The following GALNTL6 variants were observed in gnomAD, a reference collection of about 807,000 sequenced individuals.
The protein encoded by GALNTL6 is polypeptide N-acetylgalactosaminyltransferase like 6.
A neutral mutation model predicts 73.7 loss-of-function variants in GALNTL6; 46 were observed. The ratio of observed to expected loss-of-function variants is 0.62; its 90% CI spans 0.49 to 0.80. The LOEUF is 0.80. GALNTL6 is among the 30% of genes least tolerant of loss of function. GALNTL6 has a pLI of 0.00. For synonymous variants in GALNTL6, 259 were observed against 263.7 expected (o/e 0.98, Z 0.17); for missense variants, 604 against 755.0 (o/e 0.80, Z 2.34).
At chr4:172,888,336 T>A (rs1745840897) in intron 8 of GALNTL6, among the ~76,000 whole-genome samples, 1 of 152,234 alleles carries the variant, frequency 6.6e-6, no homozygotes, top group African/African-American at 2.4e-5. Flanking sequence ...CATTTAAGTC[T>A]TTAATCTATC....
intron 2 of GALNTL6, among the ~76,000 whole-genome samples, chr4:171,831,721 A>T (rs1024720404): frequency 1.3e-5 from 2 of 151,822 alleles, no homozygotes; most frequent in African/African-American, 4.8e-5. Context: ...GCTCAAAGGC[A>T]TTCATTAATA....
rs140430748 is a variant in GALNTL6 at position 173,010,118 on chromosome 4, C to A, written c.1488+824C>A. On this transcript the variant is annotated intron_variant, in intron 11 of 12. Transcript: ENST00000506823. Reference sequence around the variant, plus strand: ...TTTTTCATTCTTTCTATTTTTTGTACCCATTTAGCATCCCCACCTCCCACT... The same window carrying A: ...TTTTTCATTCTTTCTATTTTTTGTAACCATTTAGCATCCCCACCTCCCACT... 5.9e-3 allele frequency among the ~76,000 whole-genome samples: 892 copies of A among 152,110 alleles called. 13 individuals are homozygous for A. Among genetic ancestry groups the A allele is most frequent in the African/African-American group, 0.02 (827 of 41,476 alleles).
chr4:172,955,945 C>G (rs1438921892), intron 10 of GALNTL6, among the ~76,000 whole-genome samples: 1 of 152,038 alleles, frequency 6.6e-6, no homozygotes, highest in Non-Finnish European at 1.5e-5. Flanking sequence ...CAGGAACAGG[C>G]CATTTTCACT....
intron 5 of GALNTL6, among the ~76,000 whole-genome samples, chr4:172,481,091 G>C (rs1733446052): frequency 6.6e-6 from 1 of 152,166 alleles, no homozygotes; most frequent in Admixed American, 6.6e-5. Flanking sequence ...GGTGTGTCCG[G>C]AGTTTGTTAC....
intron 8 of GALNTL6, among the ~76,000 whole-genome samples, chr4:172,901,672 G>A (rs936409024): frequency 3.3e-4 from 50 of 152,148 alleles, no homozygotes; most frequent in Admixed American, 1.4e-3. Context: ...ATGGCCGAAC[G>A]AAAAAAATTC....
intron 5 of GALNTL6, among the ~76,000 whole-genome samples, chr4:172,585,606 G>T (rs1291769908): frequency 1.3e-5 from 2 of 152,080 alleles, no homozygotes; most frequent in Non-Finnish European, 2.9e-5. Flanking sequence ...TTATGGCTGG[G>T]TAGTATTCCA....
At position 172,945,312 on chromosome 4, in the gene GALNTL6, A is replaced by G. The variant is rs144831024; in HGVS notation, c.1150-6725A>G. On this transcript the variant is annotated intron_variant, in intron 9 of 12. Transcript: ENST00000506823. ...CGGGAAAGGGATTTCAAAGAGGCAT[A>G]AAGAAACCTTTGCAGGTGATGGACA... 2.4e-4 allele frequency among the ~76,000 whole-genome samples: 37 copies of G among 152,338 alleles called. No individual in the cohort carries two copies. The East Asian group carries it at 4.6e-3, about 19-fold the overall frequency.
chr4:172,941,249 A>T (rs1405331178), intron 9 of GALNTL6, among the ~76,000 whole-genome samples: 3 of 152,236 alleles, frequency 2.0e-5, no homozygotes, highest in Non-Finnish European at 4.4e-5. Flanking sequence ...TTGAGCTATC[A>T]CATGAGGACC....
At chr4:172,556,069 T>G (rs1736129909) in intron 5 of GALNTL6, among the ~76,000 whole-genome samples, 1 of 152,114 alleles carries the variant, frequency 6.6e-6, no homozygotes, top group Non-Finnish European at 1.5e-5. Flanking sequence ...TAGGTTCCAT[T>G]CCATGATTTT....
rs189005673 is a variant in GALNTL6 at position 172,197,832 on chromosome 4, G to A, written c.139-31824G>A. On this transcript the variant is annotated intron_variant, in intron 2 of 12. Transcript: ENST00000506823. ...CAAATATAAAACCCAAAACTAGGCC[G>A]GACGCGGTGGCTCACACCTGTAATC... Among the ~76,000 whole-genome samples the A allele has an allele frequency of 4.0e-3, 603 of 152,056 alleles. 6 individuals are homozygous for A. The highest frequency in any genetic ancestry group is 0.013 in the African/African-American group (541 of 41,500).
At chr4:172,883,830 A>C (rs1745581242) in intron 8 of GALNTL6, among the ~76,000 whole-genome samples, 1 of 149,004 alleles carries the variant, frequency 6.7e-6, no homozygotes, top group African/African-American at 2.5e-5. Context: ...CCACCAATCT[A>C]CCTTCTACCT....
chr4:172,726,031 G>A (rs1259272207), intron 5 of GALNTL6, among the ~76,000 whole-genome samples: 3 of 152,144 alleles, frequency 2.0e-5, no homozygotes, highest in African/African-American at 7.2e-5. Context: ...CACTAGCTGC[G>A]GGGAGTCTGT....
intron 2 of GALNTL6, among the ~76,000 whole-genome samples, chr4:172,200,972 G>A (rs187302132): frequency 1.7e-3 from 266 of 152,276 alleles, no homozygotes; most frequent in African/African-American, 6.0e-3. Context: ...TTTACCAATG[G>A]AAAGCAAGCT....
At chr4:172,870,064 A>T (rs996759813) in intron 7 of GALNTL6, among the ~76,000 whole-genome samples, 7 of 136,938 alleles carry the variant, frequency 5.1e-5, no homozygotes, top group African/African-American at 1.5e-4. Flanking sequence ...CATCATCATC[A>T]TCATCATCAT....
intron 2 of GALNTL6, among the ~76,000 whole-genome samples, chr4:172,196,456 T>A (rs7680579): frequency 0.43 from 65,742 of 151,930 alleles, 14,970 homozygotes; most frequent in African/African-American, 0.57. Flanking sequence ...TGGGGCCAAA[T>A]TCATCCTGCT....
chr4:171,824,534 A>G (rs1734774407), intron 2 of GALNTL6, among the ~76,000 whole-genome samples: 1 of 152,148 alleles, frequency 6.6e-6, no homozygotes, highest in Non-Finnish European at 1.5e-5. Context: ...ATGATAAGCA[A>G]TTTAAAATGT....
intron 5 of GALNTL6, among the ~76,000 whole-genome samples, chr4:172,780,595 C>T (rs1739321195): frequency 6.6e-6 from 1 of 152,104 alleles, no homozygotes; most frequent in Non-Finnish European, 1.5e-5. Flanking sequence ...ACTACTATTG[C>T]CTTGACATTT....
At chr4:171,826,485 CAAT>C (rs1009678218) in intron 2 of GALNTL6, among the ~76,000 whole-genome samples, 1 of 152,116 alleles carries the variant, frequency 6.6e-6, no homozygotes, top group African/African-American at 2.4e-5. Flanking sequence ...ACATCCCTCA[CAAT>C]AATATTTAAA....
At chr4:171,830,240 T>C (rs1303845565) in intron 2 of GALNTL6, among the ~76,000 whole-genome samples, 1 of 152,136 alleles carries the variant, frequency 6.6e-6, no homozygotes, top group Non-Finnish European at 1.5e-5. Flanking sequence ...TGCCAACACC[T>C]TGATTTCAGA....
Sources: gnomAD v4.1 joint callset for allele counts (sites outside exome capture counted in the v4.1 genomes callset) on GRCh38, gnomAD v4.1.1 for gene constraint, MANE v1.5 for transcripts, NCBI Gene and HGNC (gene_info 2026-07-23, HGNC 2026-07-21) for gene names.